Variants in CTIF observed in about 807,000 individuals in gnomAD.
CTIF encodes cap binding complex dependent translation initiation factor, also known as CBP80/20-dependent translation initiation factor.
Under a neutral mutation model 66.0 loss-of-function variants are expected in CTIF, and 21 were observed. That is an observed-to-expected ratio of 0.32 (90% CI 0.23 to 0.46). The LOEUF (loss-of-function observed/expected upper bound fraction) is 0.46, where lower values mean the gene tolerates loss of function less well. Among genes scored for constraint, CTIF ranks in the 20% least tolerant of loss-of-function variants. The pLI is 1.00. For synonymous variants in CTIF, 345 were observed against 326.4 expected (o/e 1.06, Z -0.62); for missense variants, 739 against 812.7 (o/e 0.91, Z 1.10).
chr18:48,644,493 G>A lies in CTIF; in HGVS notation c.252+7808G>A, dbSNP rs190689638. ...TGGCACAACCTCTGTGCTCACCAGC[G>A]TGTATGTCTGTCTTTCAGAAAATGC... On this transcript the variant is annotated intron_variant, in intron 3 of 11. Transcript: ENST00000256413. 5.7e-4 allele frequency among the ~76,000 whole-genome samples: 87 copies of A among 152,332 alleles called. 1 individual carries two copies. The South Asian group carries it at 8.1e-3, about 14-fold the overall frequency.
chr18:48,553,709 G>A (rs1389384109), intron 1 of CTIF, among the ~76,000 whole-genome samples: 1 of 150,674 alleles, frequency 6.6e-6, no homozygotes, highest in African/African-American at 2.4e-5. Flanking sequence ...AGGCTGGAGT[G>A]CAGTGGCGTG....
intron 1 of CTIF, among the ~76,000 whole-genome samples, chr18:48,602,708 A>AT (rs113675588): frequency 2.6e-3 from 403 of 152,308 alleles, no homozygotes; most frequent in African/African-American, 9.2e-3. Context: ...TAACTGTGTG[A>AT]TCGCTTCTCT....
chr18:48,615,666 G>C (rs1022454315), intron 1 of CTIF, among the ~76,000 whole-genome samples: 2 of 152,242 alleles, frequency 1.3e-5, no homozygotes, highest in African/African-American at 4.8e-5. Context: ...TTGTCCCATT[G>C]AGGGCAGCCG....
At chr18:48,674,227 A>G (rs2091588370) in intron 6 of CTIF, among the ~76,000 whole-genome samples, 2 of 152,236 alleles carry the variant, frequency 1.3e-5, no homozygotes, top group African/African-American at 4.8e-5. Flanking sequence ...TGCACAGATT[A>G]CCACATGCAT....
At chr18:48,791,666 C>G (rs1031972337) in intron 9 of CTIF, among the ~76,000 whole-genome samples, 1 of 152,228 alleles carries the variant, frequency 6.6e-6, no homozygotes, top group Non-Finnish European at 1.5e-5. Context: ...AAGCAGCCTG[C>G]CCCGTCTCAA....
At chr18:48,841,984 G>C (rs2068954803) in intron 10 of CTIF, among the ~76,000 whole-genome samples, 1 of 152,194 alleles carries the variant, frequency 6.6e-6, no homozygotes, top group Non-Finnish European at 1.5e-5. Context: ...GGTGGAGGAG[G>C]CTTTGCCTCC....
intron 1 of CTIF, among the ~76,000 whole-genome samples, chr18:48,555,524 A>C (rs1286055478): frequency 6.6e-6 from 1 of 152,184 alleles, no homozygotes. Flanking sequence ...GGCCTGGAGA[A>C]GGTGGGGATG....
intron 1 of CTIF, among the ~76,000 whole-genome samples, chr18:48,580,762 C>G (rs1278399167): frequency 6.6e-6 from 1 of 152,156 alleles, no homozygotes; most frequent in Non-Finnish European, 1.5e-5. Context: ...CTGAGGAGTT[C>G]TTTCTTGGAA....
At chr18:48,593,718 T>G (rs1192759928) in intron 1 of CTIF, among the ~76,000 whole-genome samples, 3 of 151,354 alleles carry the variant, frequency 2.0e-5, no homozygotes, top group East Asian at 3.9e-4. Flanking sequence ...CTGACTTTTA[T>G]GTTCTTAAAC....
At chr18:48,638,458 T>C (rs993980694) in intron 3 of CTIF, among the ~76,000 whole-genome samples, 2 of 151,932 alleles carry the variant, frequency 1.3e-5, no homozygotes, top group African/African-American at 4.8e-5. Flanking sequence ...CCTGATAGGG[T>C]CTCCAGGGGT....
At chr18:48,765,287 C>T (rs1285789413) in intron 9 of CTIF, among the ~76,000 whole-genome samples, 1 of 152,178 alleles carries the variant, frequency 6.6e-6, no homozygotes, top group African/African-American at 2.4e-5. Context: ...TCAGCTCCAT[C>T]CACTCAAGGC....
intron 10 of CTIF, 127 bp downstream of exon 10, chr18:48,817,503 C>A (rs753707161): frequency 2.1e-5 from 24 of 1,142,946 alleles, no homozygotes; most frequent in South Asian, 1.9e-4. Flanking sequence ...GGGCCAGGCA[C>A]GGTGGCTCAC....
At chr18:48,727,184 G>C (rs1440969455) in intron 7 of CTIF, among the ~76,000 whole-genome samples, 1 of 151,898 alleles carries the variant, frequency 6.6e-6, no homozygotes, top group Non-Finnish European at 1.5e-5. Context: ...GAAACAAGAA[G>C]CACATAGACA....
intron 9 of CTIF, among the ~76,000 whole-genome samples, chr18:48,781,903 G>A (rs1033281162): frequency 3.9e-5 from 6 of 152,176 alleles, no homozygotes; most frequent in African/African-American, 1.2e-4. Context: ...TGCATAGCAC[G>A]CATGAAATAA....
At chr18:48,651,052 A>G (rs1358393460) in intron 3 of CTIF, among the ~76,000 whole-genome samples, 2 of 152,226 alleles carry the variant, frequency 1.3e-5, no homozygotes, top group Admixed American at 6.5e-5. Context: ...GCCAAATTCT[A>G]AAGACCATCG....
Position 48,741,987 on chromosome 18 carries a change from A to G in CTIF, c.585-15932A>G, listed in dbSNP as rs370358205. On this transcript the variant is annotated intron_variant, in intron 7 of 11. Transcript: ENST00000256413. ...GGCTCCTGACCCACAGCAAAAATCT[A>G]AACATTCATTTCCAGTGGAGCTCAA... Among the ~76,000 whole-genome samples the G allele has an allele frequency of 3.3e-5, 5 of 152,308 alleles. No individual in the cohort carries two copies. In the East Asian group the frequency reaches 9.6e-4, roughly 29 times the overall value.
rs1598987954 is a variant in CTIF at position 48,758,218 on chromosome 18, A to G, written c.884A>G (p.Glu295Gly). 3 of 1,613,294 alleles carry G rather than the reference A, an allele frequency of 1.9e-6. No homozygotes were observed. In the East Asian group the frequency reaches 6.7e-5, roughly 36 times the overall value. The change falls in exon 8 of 12, where the codon GAG (glutamate) becomes GGG (glycine). Residue 295 changes from glutamate (E) to glycine (G), a missense_variant. By Grantham distance (98) the Glu-to-Gly change is moderately conservative. This residue lies in a region of CTIF where 529 missense variants were observed against 520.3 expected (regional missense o/e 1.02). Transcript: ENST00000256413. ...GGGGACACCGGGCACAGCAGCCTTG[A>G]GGCCCCCCGCAGCCCTGACACCCTG... ...TAGDTGHSSL[E>G]APRSPDTLAP...
intron 3 of CTIF, among the ~76,000 whole-genome samples, chr18:48,644,980 T>G (rs2091000164): frequency 6.6e-6 from 1 of 152,152 alleles, no homozygotes; most frequent in Non-Finnish European, 1.5e-5. Context: ...TTCTGCTCTA[T>G]AAAATGAGGA....
chr18:48,634,047 A>G (rs2090769971), intron 2 of CTIF, among the ~76,000 whole-genome samples: 1 of 152,110 alleles, frequency 6.6e-6, no homozygotes, highest in South Asian at 2.1e-4. Flanking sequence ...TAATTGCCAC[A>G]TCTCCTCTTT....
Sources: gnomAD v4.1 joint callset for allele counts (sites outside exome capture counted in the v4.1 genomes callset) on GRCh38, gnomAD v4.1.1 for gene constraint, gnomAD v4.1.1 regional missense constraint, MANE v1.5 for transcripts, NCBI Gene and HGNC (gene_info 2026-07-23, HGNC 2026-07-21) for gene names.